TTC28: variants seen among roughly 807,000 people sequenced by gnomAD.
TTC28 encodes the protein tetratricopeptide repeat protein 28.
TTC28 carries 61 observed loss-of-function variants against 198.0 expected under a neutral mutation model. That is an observed-to-expected ratio of 0.31 (90% CI 0.25 to 0.38). TTC28 has a LOEUF of 0.38. Among genes scored for constraint, TTC28 ranks in the 10% least tolerant of loss-of-function variants. The pLI is 1.00. For synonymous variants in TTC28, 1,171 were observed against 1,297.8 expected (o/e 0.90, Z 2.10); for missense variants, 2,678 against 3,164.0 (o/e 0.85, Z 3.69).
intron 2 of TTC28, among the ~76,000 whole-genome samples, chr22:28,562,493 C>T (rs2049900658): frequency 6.6e-6 from 1 of 152,064 alleles, no homozygotes; most frequent in African/African-American, 2.4e-5. Context: ...AAACCAATTG[C>T]CACTGCCAGG....
At chr22:28,250,689 G>GA (rs1271440371) in intron 5 of TTC28, among the ~76,000 whole-genome samples, 3 of 152,054 alleles carry the variant, frequency 2.0e-5, no homozygotes, top group African/African-American at 7.2e-5. Flanking sequence ...ATTAGCAAAG[G>GA]AAAAAAGTCT....
chr22:28,262,235 T>C (rs574328703), intron 5 of TTC28, among the ~76,000 whole-genome samples: 3 of 152,232 alleles, frequency 2.0e-5, no homozygotes, highest in African/African-American at 7.2e-5. Context: ...CAGAGACACC[T>C]TGGTGTCTCA....
At chr22:28,219,234 C>T (rs1040515825) in intron 5 of TTC28, among the ~76,000 whole-genome samples, 3 of 152,088 alleles carry the variant, frequency 2.0e-5, no homozygotes, top group African/African-American at 7.2e-5. Context: ...TTCGTCTGGG[C>T]GTGGTGGCTC....
chr22:28,464,764 A>G (rs577037802), intron 2 of TTC28, among the ~76,000 whole-genome samples: 1 of 152,262 alleles, frequency 6.6e-6, no homozygotes, highest in East Asian at 1.9e-4. Flanking sequence ...TTCATTTTCA[A>G]TACTGGAAAA....
intron 2 of TTC28, among the ~76,000 whole-genome samples, chr22:28,485,857 C>CA (rs1278773629): frequency 6.6e-6 from 1 of 152,042 alleles, no homozygotes; most frequent in Non-Finnish European, 1.5e-5. Flanking sequence ...TTATAGAAGA[C>CA]AATTCCTGTT....
At chr22:28,178,059 A>T (rs1923337585) in intron 5 of TTC28, among the ~76,000 whole-genome samples, 1 of 150,254 alleles carries the variant, frequency 6.7e-6, no homozygotes, top group African/African-American at 2.4e-5. Flanking sequence ...ATACTAATGC[A>T]GGATATCAAT....
intron 6 of TTC28, among the ~76,000 whole-genome samples, chr22:28,134,774 G>T (rs1031629759): frequency 5.3e-5 from 8 of 151,922 alleles, no homozygotes; most frequent in African/African-American, 1.9e-4. Flanking sequence ...AAAACACTCT[G>T]CAGGATATTA....
At chr22:28,508,352 C>T (rs2146386646) in intron 2 of TTC28, among the ~76,000 whole-genome samples, 1 of 152,262 alleles carries the variant, frequency 6.6e-6, no homozygotes, top group South Asian at 2.1e-4. Context: ...GGCAGGATGT[C>T]AGCTCACTGC....
rs374544992 is a variant in TTC28 at position 27,982,879 on chromosome 22, G to A, written c.6788C>T (p.Pro2263Leu). 247 of 1,550,558 alleles carry A rather than the reference G, an allele frequency of 1.6e-4. 1 individual carries two copies. In the African/African-American group the frequency reaches 2.5e-3, roughly 16 times the overall value. Residue 2263 changes from proline to leucine, a missense_variant, in exon 23 of 23, where the codon CCG (proline) becomes CTG (leucine). Physicochemically the swap from Pro to Leu is moderately conservative, Grantham distance 98. Transcript: ENST00000397906. This position sits in a 1 kb window ranked among gnomAD's most constrained non-coding sequence, Gnocchi z 5.2. Reference protein sequence around the residue: ...TTSEMSIKDSPSQHSGRPSPG... With the variant: ...TTSEMSIKDSLSQHSGRPSPG... ...CGATGGCCGGCCACTGTGCTGGCTC[G>A]GGCTGTCTTTGATGGACATCTCTGA... is the stretch of plus-strand genomic sequence containing the variant.
chr22:28,250,912 T>A (rs1048163409), intron 5 of TTC28, among the ~76,000 whole-genome samples: 4 of 152,202 alleles, frequency 2.6e-5, no homozygotes, highest in Non-Finnish European at 5.9e-5. Context: ...CACAACCTGA[T>A]GGCAAGGAAG....
At chr22:28,218,569 T>TA (rs937383687) in intron 5 of TTC28, among the ~76,000 whole-genome samples, 25 of 147,306 alleles carry the variant, frequency 1.7e-4, no homozygotes, top group East Asian at 7.9e-4. Flanking sequence ...TTCTTTCACA[T>TA]AAAAAAAAAA....
At chr22:28,672,337 T>C (rs2145712079) in intron 1 of TTC28, among the ~76,000 whole-genome samples, 1 of 152,260 alleles carries the variant, frequency 6.6e-6, no homozygotes. Flanking sequence ...ACAGCTACTT[T>C]TTGTATTTTT....
intron 2 of TTC28, among the ~76,000 whole-genome samples, chr22:28,461,839 G>C (rs187299866): frequency 3.9e-5 from 6 of 152,184 alleles, no homozygotes; most frequent in African/African-American, 1.4e-4. Flanking sequence ...TCTCTTCTCT[G>C]TCTTTCCCAC....
At chr22:28,597,118 G>A (rs1283743015) in intron 2 of TTC28, among the ~76,000 whole-genome samples, 1 of 152,028 alleles carries the variant, frequency 6.6e-6, no homozygotes, top group Non-Finnish European at 1.5e-5. Context: ...CTCATTCTAG[G>A]TGGCTTGAAC....
intron 5 of TTC28, among the ~76,000 whole-genome samples, chr22:28,208,448 A>G (rs752756162): frequency 9.2e-5 from 14 of 152,138 alleles, no homozygotes; most frequent in Non-Finnish European, 2.1e-4. Flanking sequence ...AATCAAGAGA[A>G]CCAGGTTCAA....
rs563628858 is a variant in TTC28 at position 28,321,944 on chromosome 22, G to C, written c.382-15301C>G. Among the ~76,000 whole-genome samples the C allele has an allele frequency of 1.2e-4, 19 of 152,220 alleles. No homozygotes were observed. In the South Asian group the frequency reaches 1.7e-3, roughly 13 times the overall value. On this transcript the variant is annotated intron_variant, in intron 2 of 22. Transcript: ENST00000397906. Reference sequence around the variant, plus strand: ...CCTCCCGGGTTCAAGCGATTCTCCTGCCTCAGCTTCCTGAGTAGCTGGGAC... The same window carrying C: ...CCTCCCGGGTTCAAGCGATTCTCCTCCCTCAGCTTCCTGAGTAGCTGGGAC...
At chr22:28,449,673 T>C (rs12157982) in intron 2 of TTC28, among the ~76,000 whole-genome samples, 127 of 152,340 alleles carry the variant, frequency 8.3e-4, no homozygotes, top group African/African-American at 2.9e-3. Context: ...AATTAAGGTA[T>C]TGACAAATCT....
chr22:28,343,390 T>A (rs2045862122), intron 2 of TTC28, among the ~76,000 whole-genome samples: 1 of 151,744 alleles, frequency 6.6e-6, no homozygotes, highest in Non-Finnish European at 1.5e-5. Flanking sequence ...ATTAGCCAGG[T>A]GTGGTGGCAG....
chr22:28,270,127 T>A (rs1028721942), intron 5 of TTC28, among the ~76,000 whole-genome samples: 1 of 152,158 alleles, frequency 6.6e-6, no homozygotes, highest in Non-Finnish European at 1.5e-5. Context: ...ACAGCTTGGT[T>A]GTATATGTTT....
Sources: gnomAD v4.1 joint callset for allele counts (sites outside exome capture counted in the v4.1 genomes callset) on GRCh38, gnomAD v4.1.1 for gene constraint, Gnocchi (gnomAD v3.1) non-coding constraint, MANE v1.5 for transcripts, NCBI Gene and HGNC (gene_info 2026-07-23, HGNC 2026-07-21) for gene names.